Variants in TWIST2 observed in about 807,000 individuals in gnomAD.
TWIST2 encodes twist family bHLH transcription factor 2.
In TWIST2, 1 loss-of-function variant was observed where a neutral mutation model predicts 11.6. That is an observed-to-expected ratio of 0.09 (90% confidence interval 0.03 to 0.41). The LOEUF is 0.41. TWIST2 is among the 10% of genes least tolerant of loss of function. The pLI, the probability that TWIST2 is intolerant of heterozygous loss-of-function variation, is 0.98. For missense variants in TWIST2, 168 were observed against 226.4 expected (o/e 0.74, Z 1.66); for synonymous variants, 87 against 96.6 (o/e 0.90, Z 0.58).
In TWIST2 at chr2:238,848,295, A is replaced by G; in HGVS notation, c.80A>G (p.Lys27Arg). ...TSEEELERQP[K>R]RFGRKRRYSK... ...GAGGAGGAGCTCGAGAGGCAGCCCA[A>G]GCGCTTCGGCCGGAAGCGGCGCTAC... The change falls in exon 1 of 2, where the codon AAG becomes AGG. Residue 27 changes from lysine (K) to arginine (R), a missense_variant. By Grantham distance (26) the Lys-to-Arg change is conservative. Coordinates refer to ENST00000612363, the MANE Select transcript of TWIST2 (RefSeq NM_001271893.4). The G allele has an allele frequency of 2.0e-6, 3 of 1,533,032 alleles. No individual in the cohort carries two copies. The South Asian group carries it at 3.6e-5, about 18-fold the overall frequency. The allele number at this position is 1,533,032 out of a possible 1,614,324, so 95.0% of individuals were successfully genotyped here.
chr2:238,875,511 C>T (rs1692788448), intron 1 of TWIST2, among the ~76,000 whole-genome samples: 1 of 152,192 alleles, frequency 6.6e-6, no homozygotes. Context: ...GGTATATCCT[C>T]TGTGGCTTTG....
At chr2:238,901,001 T>C (rs1429286683) in intron 1 of TWIST2, among the ~76,000 whole-genome samples, 7 of 147,584 alleles carry the variant, frequency 4.7e-5, no homozygotes, top group African/African-American at 1.5e-4. Context: ...TTTTTTTTTT[T>C]CTGAGTCTCA....
At chr2:238,906,657 GACAC>G (rs1380498530) in intron 1 of TWIST2, among the ~76,000 whole-genome samples, 39 of 151,702 alleles carry the variant, frequency 2.6e-4, no homozygotes, top group African/African-American at 7.5e-4. Context: ...CACACTCACA[GACAC>G]ACACACGGGA....
At chr2:238,873,131 C>T (rs1364674171) in intron 1 of TWIST2, among the ~76,000 whole-genome samples, 1 of 152,214 alleles carries the variant, frequency 6.6e-6, no homozygotes, top group Admixed American at 6.5e-5. Flanking sequence ...ATGCCTCCTC[C>T]TGGACACAGT....
intron 1 of TWIST2, among the ~76,000 whole-genome samples, chr2:238,859,805 G>A (rs1379690246): frequency 6.6e-6 from 1 of 152,222 alleles, no homozygotes; most frequent in East Asian, 1.9e-4. Flanking sequence ...ATGCATGCAC[G>A]CACACGTGTG....
In TWIST2 at chr2:238,866,407, C is replaced by G. The variant is rs924839523; in HGVS notation, c.*35+17674C>G. Among the ~76,000 whole-genome samples, 1 of 152,226 alleles carries G rather than the reference C, an allele frequency of 6.6e-6. No homozygotes were observed. The highest frequency in any genetic ancestry group is 1.5e-5 in the Non-Finnish European group (1 of 68,042). On this transcript the variant is annotated intron_variant, in intron 1 of 1. Transcript: ENST00000612363. The surrounding 1 kb of genome is among the most constrained non-coding windows in gnomAD (Gnocchi z 4.9). ...GGCACAGTGGCTCACACCTGTAATC[C>G]TGGCACTTTGGGAGGCTGAGGCAGG...
At chr2:238,887,498 T>C (rs997960711) in intron 1 of TWIST2, among the ~76,000 whole-genome samples, 1 of 152,240 alleles carries the variant, frequency 6.6e-6, no homozygotes, top group Non-Finnish European at 1.5e-5. Flanking sequence ...TACTTTTTTG[T>C]TTGTTTTAGA....
In TWIST2 at chr2:238,872,549, T is replaced by C. The variant is rs568992302; in HGVS notation, c.*35+23816T>C. On this transcript the variant is annotated intron_variant, in intron 1 of 1. Transcript: ENST00000612363. ...GTGCAGGGAAGGGCGATGCTCTTTC[T>C]TTTCCAAGAATTGGGGTTAATAGTC... Among the ~76,000 whole-genome samples the C allele has an allele frequency of 1.4e-3, 212 of 152,384 alleles. 1 individual carries two copies. Among genetic ancestry groups the C allele is most frequent in the African/African-American group, 4.8e-3 (200 of 41,590 alleles).
At chr2:238,908,282 C>T (rs1005693701) in intron 1 of TWIST2, among the ~76,000 whole-genome samples, 4 of 150,142 alleles carry the variant, frequency 2.7e-5, no homozygotes, top group Admixed American at 6.7e-5. Context: ...ACATACCACA[C>T]ACTACACACA....
intron 1 of TWIST2, among the ~76,000 whole-genome samples, chr2:238,853,746 G>A (rs555177220): frequency 8.0e-4 from 122 of 152,296 alleles, no homozygotes; most frequent in African/African-American, 2.8e-3. Context: ...AATTGGAAAA[G>A]CCAACACATA....
intron 1 of TWIST2, among the ~76,000 whole-genome samples, chr2:238,884,133 A>G (rs907771694): frequency 6.6e-6 from 1 of 152,218 alleles, no homozygotes; most frequent in African/African-American, 2.4e-5. Flanking sequence ...TCAGCTGAAC[A>G]TCTTCTGGGA....
At chr2:238,880,332 A>G (rs1366485344) in intron 1 of TWIST2, among the ~76,000 whole-genome samples, 14 of 134,278 alleles carry the variant, frequency 1.0e-4, no homozygotes, top group Non-Finnish European at 1.9e-4. Flanking sequence ...TATTATTATT[A>G]GTGTTAGTGT....
chr2:238,908,035 A>C (rs1390448770), intron 1 of TWIST2, among the ~76,000 whole-genome samples: 1 of 150,820 alleles, frequency 6.6e-6, no homozygotes, highest in Non-Finnish European at 1.5e-5. Context: ...CAAACACACC[A>C]CACCCCCACA....
In TWIST2 at chr2:238,848,642, T is replaced by A; in HGVS notation, c.427T>A (p.Tyr143Asn). ...CTACGTGGCCCACGAGCGCCTCAGC[T>A]ACGCCTTCTCCGTGTGGCGCATGGA... ...CSYVAHERLSYAFSVWRMEGA... is the reference protein window; with the variant it reads ...CSYVAHERLSNAFSVWRMEGA... Residue 143 changes from tyrosine (Y) to asparagine (N), a missense_variant, in exon 1 of 2, where the codon TAC becomes AAC. Physicochemically the swap from Tyr to Asn is moderately radical, Grantham distance 143. Coordinates refer to ENST00000612363, the MANE Select transcript of TWIST2 (RefSeq NM_001271893.4). 1 of 1,538,744 alleles carries A rather than the reference T, an allele frequency of 6.5e-7. No homozygotes were observed. Among genetic ancestry groups the A allele is most frequent in the Non-Finnish European group, 8.7e-7 (1 of 1,148,080 alleles).
chr2:238,881,660 G>A (rs943639950), intron 1 of TWIST2, among the ~76,000 whole-genome samples: 1 of 152,098 alleles, frequency 6.6e-6, no homozygotes, highest in Non-Finnish European at 1.5e-5. Flanking sequence ...AGTTCTGGCT[G>A]GGCTGGGCTG....
chr2:238,893,115 T>C (rs888338528), intron 1 of TWIST2, among the ~76,000 whole-genome samples: 1 of 152,216 alleles, frequency 6.6e-6, no homozygotes, highest in Non-Finnish European at 1.5e-5. Context: ...TTCCCAGGGA[T>C]TTCTGGGACC....
intron 1 of TWIST2, among the ~76,000 whole-genome samples, chr2:238,897,193 G>A (rs1308915543): frequency 1.3e-5 from 2 of 152,044 alleles, no homozygotes; most frequent in Non-Finnish European, 2.9e-5. Flanking sequence ...GTATCCCTGC[G>A]TTCCTCCTGC....
chr2:238,897,620 C>T (rs969772883), intron 1 of TWIST2, among the ~76,000 whole-genome samples: 3,497 of 152,322 alleles, frequency 0.023, 59 homozygotes, highest in Non-Finnish European at 0.035. Flanking sequence ...GCTCGCAGTG[C>T]AGATGTGGCC....
chr2:238,863,552 C>T lies in TWIST2; in HGVS notation c.*35+14819C>T, dbSNP rs1692472481. 6.6e-6 allele frequency among the ~76,000 whole-genome samples: 1 copy of T among 152,298 alleles called. No homozygotes were observed. Among genetic ancestry groups the T allele is most frequent in the South Asian group, 2.1e-4 (1 of 4,826 alleles). ...GGCGCTTCATGATGGGACTGGCGCT[C>T]ATCCTCACACTGTTAGTGTTAGCAT... On this transcript the variant is annotated intron_variant, in intron 1 of 1. Coordinates refer to ENST00000612363, the MANE Select transcript of TWIST2 (RefSeq NM_001271893.4). This position sits in a 1 kb window ranked among gnomAD's most constrained non-coding sequence, Gnocchi z 4.7.
Sources: allele counts gnomAD v4.1 joint callset (sites outside exome capture counted in the v4.1 genomes callset), GRCh38; gene constraint gnomAD v4.1.1; non-coding constraint Gnocchi (gnomAD v3.1); transcripts MANE v1.5; gene names NCBI Gene and HGNC (gene_info 2026-07-23, HGNC 2026-07-21).